Variants in RPS6KA2 observed in about 807,000 individuals in gnomAD.
The protein encoded by RPS6KA2 is ribosomal protein S6 kinase A2.
Under a neutral mutation model 91.8 loss-of-function variants are expected in RPS6KA2, and 42 were observed. The ratio of observed to expected loss-of-function variants is 0.46; its 90% CI spans 0.36 to 0.59. The LOEUF is 0.59. Among genes scored for constraint, RPS6KA2 ranks in the 20% least tolerant of loss-of-function variants. The probability of loss-of-function intolerance (pLI) is 0.00; values close to 1 mark genes in which losing one functional copy is unlikely to be tolerated. For synonymous variants in RPS6KA2, 414 were observed against 393.6 expected (o/e 1.05, Z -0.61); for missense variants, 798 against 978.5 (o/e 0.82, Z 2.46).
chr6:166,655,542 C>CA (rs1787977589), intron 2 of RPS6KA2, among the ~76,000 whole-genome samples: 1 of 152,254 alleles, frequency 6.6e-6, no homozygotes, highest in African/African-American at 2.4e-5. Context: ...GGAGGCTACA[C>CA]ACCTGGCTGG....
In RPS6KA2 at chr6:166,448,576, C is replaced by T. The variant is rs1032893636; in HGVS notation, c.1332+148G>A. 5.1e-6 allele frequency: 5 copies of T among 983,654 alleles called. No individual in the cohort carries two copies. The highest frequency in any genetic ancestry group is 2.7e-5 in the East Asian group (1 of 36,788). 60.9% of individuals were successfully genotyped at this position (983,654 alleles called of 1,614,324 possible). ...AGCACATATGCTGTGCTCCTATGCTCCGTGCTCCCATGTGCTGTACATGCT... is the reference window on the plus strand; with the variant it reads ...AGCACATATGCTGTGCTCCTATGCTTCGTGCTCCCATGTGCTGTACATGCT... On this transcript the variant is annotated intron_variant, in intron 14 of 20. Coordinates refer to ENST00000265678, the MANE Select transcript of RPS6KA2 (RefSeq NM_021135.6). This position sits in a 1 kb window ranked among gnomAD's most constrained non-coding sequence, Gnocchi z 4.7.
chr6:166,553,116 T>C (rs1388500221), intron 1 of RPS6KA2, among the ~76,000 whole-genome samples: 1 of 152,238 alleles, frequency 6.6e-6, no homozygotes, highest in African/African-American at 2.4e-5. Context: ...TTACTCATTT[T>C]TGGTTTTTGT....
rs1790756985 is a variant in RPS6KA2, at chr6:166,739,639, G to A, written c.123+118561C>T. ...GTGTGATTCAGGAATATCAGGTTAAGGGGACCCCACGGTCATTGAGACCAA... is the reference window on the plus strand; with the variant it reads ...GTGTGATTCAGGAATATCAGGTTAAAGGGACCCCACGGTCATTGAGACCAA... On this transcript the variant is annotated intron_variant, in intron 2 of 21. Coordinates refer to the RPS6KA2 transcript ENST00000503859. Among the ~76,000 whole-genome samples, 4 of 152,320 alleles carry A rather than the reference G, an allele frequency of 2.6e-5. No individual in the cohort carries two copies. In the South Asian group the frequency reaches 8.3e-4, roughly 32 times the overall value.
chr6:166,435,386 T>TG lies in RPS6KA2; in HGVS notation c.1333-2897dup, dbSNP rs1382912256. 4.6e-5 allele frequency among the ~76,000 whole-genome samples: 7 copies of TG among 152,262 alleles called. No individual in the cohort carries two copies. The highest frequency in any genetic ancestry group is 1.7e-4 in the African/African-American group (7 of 41,470). On this transcript the variant is annotated intron_variant, in intron 14 of 20. Transcript: ENST00000265678. The surrounding 1 kb of genome is among the most constrained non-coding windows in gnomAD (Gnocchi z 4.3). The stretch of plus-strand genomic sequence containing the variant: ...TTTCAACCCATCGGAGCCAGTGTCC[T>TG]GGTCATTTGCTAGAATCTGATACAC...
chr6:166,586,152 TA>T, intron 1 of RPS6KA2: 1 of 1,552,328 alleles, frequency 6.4e-7, no homozygotes, highest in East Asian at 2.3e-5. Flanking sequence ...CCGCTGGTTG[TA>T]ACCATAATGT....
Position 166,498,538 on chromosome 6 carries a change from A to T in RPS6KA2, c.717T>A (p.Ser239Arg). The change falls in exon 8 of 21, where the codon AGT becomes AGA. Residue 239 changes from serine to arginine, a missense_variant. Physicochemically the swap from Ser to Arg is moderately radical, Grantham distance 110 (BLOSUM62 -1). Coordinates refer to ENST00000265678, the MANE Select transcript of RPS6KA2 (RefSeq NM_021135.6). The stretch of plus-strand genomic sequence containing the variant: ...GCACGCCGAAGGACCACCAGTCGGC[A>T]CTCTGCGTGTGTCCTCGCCGGTTCA... ...EVVNRRGHTQ[S>R]ADWWSFGVLM... is the part of the protein sequence containing the mutation. The T allele has an allele frequency of 6.2e-7, 1 of 1,612,804 alleles. No homozygotes were observed. Among genetic ancestry groups the T allele is most frequent in the Non-Finnish European group, 8.5e-7 (1 of 1,179,730 alleles).
At chr6:166,565,570 G>A (rs768193823) in intron 1 of RPS6KA2, among the ~76,000 whole-genome samples, 4 of 143,508 alleles carry the variant, frequency 2.8e-5, no homozygotes, top group South Asian at 2.1e-4. Context: ...GGCAGTGACC[G>A]CCTCACTTGC....
At chr6:166,616,295 C>T (rs1182355107) in intron 1 of RPS6KA2, among the ~76,000 whole-genome samples, 1 of 152,186 alleles carries the variant, frequency 6.6e-6, no homozygotes, top group African/African-American at 2.4e-5. Context: ...ATAGCAGAGC[C>T]AGAATTCACA....
chr6:166,702,291 A>G (rs1402799386), intron 2 of RPS6KA2: 4 of 1,613,350 alleles, frequency 2.5e-6, no homozygotes, highest in Non-Finnish European at 3.4e-6. Flanking sequence ...CCCTGCCTTG[A>G]GGAGCCCCTC....
At chr6:166,715,701 G>A (rs1789990351) in intron 2 of RPS6KA2, among the ~76,000 whole-genome samples, 1 of 152,166 alleles carries the variant, frequency 6.6e-6, no homozygotes, top group Non-Finnish European at 1.5e-5. Context: ...CGGCTGCGCT[G>A]AACACTGGAG....
chr6:166,498,980 G>A (rs1308908204), intron 7 of RPS6KA2, among the ~76,000 whole-genome samples: 1 of 152,208 alleles, frequency 6.6e-6, no homozygotes, highest in East Asian at 1.9e-4. Context: ...GCACGTGGAG[G>A]TGGGGTGTTG....
At chr6:166,501,388 G>C (rs2128478455) in intron 6 of RPS6KA2, among the ~76,000 whole-genome samples, 1 of 152,304 alleles carries the variant, frequency 6.6e-6, no homozygotes, top group African/African-American at 2.4e-5. Context: ...CCTGAGCCCT[G>C]CCCTGGCTCT....
intron 13 of RPS6KA2, among the ~76,000 whole-genome samples, chr6:166,450,097 C>A (rs182926863): frequency 1.3e-5 from 2 of 149,738 alleles, no homozygotes; most frequent in Admixed American, 1.3e-4. Flanking sequence ...CGGGGAACCA[C>A]CATGGGGACC....
Position 166,546,851 on chromosome 6 carries a change from T to C in RPS6KA2, c.100-8067A>G, listed in dbSNP as rs569611423. Reference sequence around the variant, plus strand: ...TGTTTCCATTAAGAAGAATAAAAAATGCTGAGTCAACTAGGATGTAAAGAA... The same window carrying C: ...TGTTTCCATTAAGAAGAATAAAAAACGCTGAGTCAACTAGGATGTAAAGAA... On this transcript the variant is annotated intron_variant, in intron 1 of 20. Coordinates refer to ENST00000265678, the MANE Select transcript of RPS6KA2 (RefSeq NM_021135.6). 3.3e-5 allele frequency among the ~76,000 whole-genome samples: 5 copies of C among 152,300 alleles called. No individual in the cohort carries two copies. In the East Asian group the frequency reaches 9.7e-4, roughly 29 times the overall value.
chr6:166,745,191 G>A (rs1212403528), intron 2 of RPS6KA2, among the ~76,000 whole-genome samples: 14 of 130,388 alleles, frequency 1.1e-4, no homozygotes, highest in African/African-American at 2.4e-4. Flanking sequence ...TGCCCTTGTT[G>A]CCCAGGCTGG....
intron 1 of RPS6KA2, among the ~76,000 whole-genome samples, chr6:166,596,971 G>T (rs1002244948): frequency 6.6e-6 from 1 of 152,122 alleles, no homozygotes; most frequent in East Asian, 1.9e-4. Context: ...CCACAGATGC[G>T]CCAGTTGGGA....
At chr6:166,729,080 T>C (rs1790433584) in intron 2 of RPS6KA2, among the ~76,000 whole-genome samples, 1 of 152,166 alleles carries the variant, frequency 6.6e-6, no homozygotes, top group East Asian at 1.9e-4. Context: ...GCCAGCATGC[T>C]CTTCCCTCTC....
At chr6:166,702,655 T>A (rs1429153456) in intron 2 of RPS6KA2, 3 of 1,571,284 alleles carry the variant, frequency 1.9e-6, no homozygotes, top group Non-Finnish European at 2.6e-6. Context: ...CCCGTGCAGT[T>A]CTATTTTACC....
At chr6:166,700,684 A>C (rs1243713514) in intron 2 of RPS6KA2, among the ~76,000 whole-genome samples, 3 of 152,146 alleles carry the variant, frequency 2.0e-5, no homozygotes, top group Non-Finnish European at 4.4e-5. Flanking sequence ...TCCTGTAATA[A>C]TTATTCTGCT....
Sources: allele counts gnomAD v4.1 joint callset (sites outside exome capture counted in the v4.1 genomes callset), GRCh38; gene constraint gnomAD v4.1.1; non-coding constraint Gnocchi (gnomAD v3.1); transcripts MANE v1.5; gene names NCBI Gene and HGNC (gene_info 2026-07-23, HGNC 2026-07-21).